TOM1L1: variants seen among roughly 807,000 people sequenced by gnomAD.
TOM1L1 encodes TOM1-like protein 1.
Under a neutral mutation model 63.4 loss-of-function variants are expected in TOM1L1, and 64 were observed. The observed-to-expected ratio is 1.01, with a 90% CI of 0.83 to 1.24. The LOEUF is 1.24. Ranked by LOEUF, TOM1L1 falls within the 50% of genes most tolerant of loss-of-function variation. The pLI, the probability that TOM1L1 is intolerant of heterozygous loss-of-function variation, is 0.00. For missense variants in TOM1L1, 536 were observed against 567.0 expected (o/e 0.95, Z 0.55); for synonymous variants, 166 against 194.4 (o/e 0.85, Z 1.22).
chr17:54,914,533 T>C (rs2048554845), intron 5 of TOM1L1, 106 bp from the exon 6 acceptor site: 3 of 826,066 alleles, frequency 3.6e-6, no homozygotes, highest in Non-Finnish European at 6.2e-6. Context: ...GCAGATACCC[T>C]GTACACAGGA....
chr17:54,901,183 T>C, intron 1 of TOM1L1: 1 of 559,714 alleles, frequency 1.8e-6, no homozygotes. Flanking sequence ...ACCAAACAGG[T>C]GAACCGCGGG....
chr17:54,948,193 A>G (rs1321918551), intron 12 of TOM1L1, among the ~76,000 whole-genome samples: 1 of 152,134 alleles, frequency 6.6e-6, no homozygotes, highest in Non-Finnish European at 1.5e-5. Flanking sequence ...AGTGGCCTCT[A>G]AGGGAAGCCC....
At chr17:54,906,108 G>A (rs1189015895) in intron 3 of TOM1L1, among the ~76,000 whole-genome samples, 1 of 151,882 alleles carries the variant, frequency 6.6e-6, no homozygotes, top group Non-Finnish European at 1.5e-5. Context: ...AATTCAAGAT[G>A]GCAACGAGCT....
intron 14 of TOM1L1, among the ~76,000 whole-genome samples, chr17:54,955,981 G>A (rs905540732): frequency 2.0e-5 from 3 of 152,074 alleles, no homozygotes; most frequent in African/African-American, 7.2e-5. Flanking sequence ...AGGTGAGTTG[G>A]CCCACGCATG....
intron 7 of TOM1L1, chr17:54,917,305 G>A (rs1286410697): frequency 6.6e-6 from 1 of 151,944 alleles, no homozygotes; most frequent in African/African-American, 2.4e-5. Flanking sequence ...GGATTCATTT[G>A]TCTCTTAACA....
In TOM1L1 at chr17:54,932,120, AAAG is replaced by A. The variant is rs1434473170; in HGVS notation, c.854+1918_854+1920del. 3.9e-5 allele frequency among the ~76,000 whole-genome samples: 6 copies of A among 151,988 alleles called. 1 individual carries two copies. Among genetic ancestry groups the A allele is most frequent in the Non-Finnish European group, 8.8e-5 (6 of 67,982 alleles). Reference sequence around the variant, plus strand: ...GACAAAACTCCTCAGACACTGAGTTAAAGAAGGAAGGGGTTTATTCGGCCAGGG... The same window carrying A: ...GACAAAACTCCTCAGACACTGAGTTAAAGGAAGGGGTTTATTCGGCCAGGG... On this transcript the variant is annotated intron_variant, in intron 8 of 15. Transcript: ENST00000575882.
intron 14 of TOM1L1, among the ~76,000 whole-genome samples, chr17:54,950,487 CT>C (rs2049203293): frequency 1.3e-5 from 2 of 152,122 alleles, no homozygotes; most frequent in South Asian, 4.1e-4. Flanking sequence ...ATTTTAGCTG[CT>C]CTTTATGAAC....
At chr17:54,947,175 T>C in intron 11 of TOM1L1, 86 bp from the exon 12 acceptor site, 1 of 1,334,290 alleles carries the variant, frequency 7.5e-7, no homozygotes, top group Non-Finnish European at 1.1e-6. Context: ...TTTTAGGTTT[T>C]GTTTTTAGAC....
At chr17:54,959,791 GT>G (rs1567851698) in intron 14 of TOM1L1, among the ~76,000 whole-genome samples, 1 of 151,802 alleles carries the variant, frequency 6.6e-6, no homozygotes, top group East Asian at 1.9e-4. Context: ...TAATTTTTAT[GT>G]TTTTTGTAGA....
intron 11 of TOM1L1, among the ~76,000 whole-genome samples, chr17:54,941,095 G>A (rs981792822): frequency 2.0e-5 from 3 of 151,972 alleles, no homozygotes; most frequent in African/African-American, 7.3e-5. Flanking sequence ...TCCTTCCATA[G>A]TGTCTTTAGG....
At chr17:54,915,719 G>T in intron 6 of TOM1L1, 27 bp from the exon 7 acceptor site, 1 of 1,500,246 alleles carries the variant, frequency 6.7e-7, no homozygotes, top group South Asian at 1.3e-5. Flanking sequence ...GTGTCGCACT[G>T]ACTGGTGATT....
intron 7 of TOM1L1, among the ~76,000 whole-genome samples, chr17:54,929,690 G>C (rs2048824361): frequency 6.6e-6 from 1 of 151,448 alleles, no homozygotes; most frequent in African/African-American, 2.4e-5. Context: ...GATGTGGCAA[G>C]GGGTATAATT....
intron 14 of TOM1L1, among the ~76,000 whole-genome samples, chr17:54,951,669 A>G (rs1456506247): frequency 6.6e-6 from 1 of 152,240 alleles, no homozygotes; most frequent in Non-Finnish European, 1.5e-5. Flanking sequence ...AGTTGCCAAC[A>G]GCTGAAAACT....
chr17:54,910,407 G>T (rs1302475327), intron 3 of TOM1L1, among the ~76,000 whole-genome samples: 3 of 152,206 alleles, frequency 2.0e-5, no homozygotes, highest in Admixed American at 6.5e-5. Context: ...AGTGAGTCGA[G>T]ATTGCGCCAC....
At chr17:54,916,992 A>T (rs983527085) in intron 7 of TOM1L1, 7 of 152,168 alleles carry the variant, frequency 4.6e-5, no homozygotes, top group Admixed American at 3.9e-4. Flanking sequence ...ATGCTGATAG[A>T]AGTATTATAT....
At chr17:54,908,646 T>C (rs2048449643) in intron 3 of TOM1L1, among the ~76,000 whole-genome samples, 1 of 152,230 alleles carries the variant, frequency 6.6e-6, no homozygotes, top group Non-Finnish European at 1.5e-5. Context: ...CTGACTGTAC[T>C]ATGATTTCCT....
intron 15 of TOM1L1, 55 bp downstream of exon 15, chr17:54,960,682 A>C: frequency 1.5e-6 from 2 of 1,338,614 alleles, no homozygotes; most frequent in South Asian, 2.4e-5. Flanking sequence ...TTTCAGTATA[A>C]TTATCACTTT....
At chr17:54,914,445 C>G (rs1404152680) in intron 5 of TOM1L1, among the ~76,000 whole-genome samples, 194 bp from the exon 6 acceptor site, 2 of 151,448 alleles carry the variant, frequency 1.3e-5, no homozygotes, top group Admixed American at 1.3e-4. Flanking sequence ...TGAATACCTG[C>G]TTTATTATGG....
chr17:54,929,830 T>C (rs2048828395), intron 7 of TOM1L1, among the ~76,000 whole-genome samples: 1 of 152,066 alleles, frequency 6.6e-6, no homozygotes, highest in Non-Finnish European at 1.5e-5. Flanking sequence ...AGTCCAGTAT[T>C]ATTTTCAATG....
Sources: allele counts gnomAD v4.1 joint callset (sites outside exome capture counted in the v4.1 genomes callset), GRCh38; gene constraint gnomAD v4.1.1; transcripts MANE v1.5; gene names NCBI Gene and HGNC (gene_info 2026-07-23, HGNC 2026-07-21).